The following G3BP2 variants were observed in gnomAD, a reference collection of about 807,000 sequenced individuals.
G3BP2 encodes G3BP stress granule assembly factor 2.
G3BP2 carries 11 observed loss-of-function variants against 56.7 expected under a neutral mutation model. The observed-to-expected ratio is 0.19, with a 90% confidence interval of 0.12 to 0.32. The LOEUF is 0.32. Among genes scored for constraint, G3BP2 ranks in the 10% least tolerant of loss-of-function variants. The probability of loss-of-function intolerance (pLI) is 1.00; values close to 1 mark genes in which losing one functional copy is unlikely to be tolerated. For synonymous variants in G3BP2, 165 were observed against 191.6 expected (o/e 0.86, Z 1.15); for missense variants, 340 against 610.9 (o/e 0.56, Z 4.67).
At chr4:75,663,569 T>C (rs1732738771) in intron 1 of G3BP2, among the ~76,000 whole-genome samples, 2 of 152,076 alleles carry the variant, frequency 1.3e-5, no homozygotes, top group Non-Finnish European at 2.9e-5. Flanking sequence ...ACTGTAGGAA[T>C]ATAATCCCCA....
chr4:75,668,626 T>A (rs766377458), intron 1 of G3BP2, among the ~76,000 whole-genome samples: 1 of 152,154 alleles, frequency 6.6e-6, no homozygotes, highest in Non-Finnish European at 1.5e-5. Flanking sequence ...GTAGAGTCCA[T>A]ACATCCAAAA....
intron 1 of G3BP2, among the ~76,000 whole-genome samples, chr4:75,669,888 T>C (rs758924280): frequency 6.6e-6 from 1 of 151,966 alleles, no homozygotes; most frequent in Non-Finnish European, 1.5e-5. Context: ...AGGTCAGGAG[T>C]TCGAGACCAG....
At chr4:75,723,567 C>G (rs1252397472) in intron 1 of G3BP2, among the ~76,000 whole-genome samples, 1 of 152,122 alleles carries the variant, frequency 6.6e-6, no homozygotes, top group African/African-American at 2.4e-5. Context: ...GGGTGGAAAG[C>G]CAGAGTCTAA....
chr4:75,670,516 G>C (rs933943983), intron 1 of G3BP2: 1 of 152,142 alleles, frequency 6.6e-6, no homozygotes, highest in African/African-American at 2.4e-5. Flanking sequence ...TTTGTTTTCT[G>C]TCCTTCTCAG....
chr4:75,690,063 A>C (rs1359567098), intron 3 of G3BP2, among the ~76,000 whole-genome samples: 1 of 152,180 alleles, frequency 6.6e-6, no homozygotes. Flanking sequence ...TAAATATGTT[A>C]TATTTCAGGA....
intron 8 of G3BP2, among the ~76,000 whole-genome samples, chr4:75,652,014 G>T (rs770397980): frequency 1.3e-5 from 2 of 152,120 alleles, no homozygotes; most frequent in African/African-American, 2.4e-5. Flanking sequence ...AACTAAAATT[G>T]AAGGATTATT....
At chr4:75,660,724 C>A (rs1312444105) in intron 2 of G3BP2, among the ~76,000 whole-genome samples, 1 of 152,154 alleles carries the variant, frequency 6.6e-6, no homozygotes, top group Admixed American at 6.5e-5. Context: ...GTCTTTTAAA[C>A]AGCCTTTCTC....
chr4:75,673,444 G>A (rs963371278), upstream of G3BP2: 31 of 1,231,898 alleles, frequency 2.5e-5, no homozygotes, highest in Non-Finnish European at 3.0e-5. Context: ...CCCTCTTATT[G>A]TTTTACCCCT....
chr4:75,680,873 CAGG>C (rs1254996398), intron 3 of G3BP2, among the ~76,000 whole-genome samples: 2 of 151,550 alleles, frequency 1.3e-5, no homozygotes, highest in African/African-American at 4.9e-5. Flanking sequence ...GAGGCCGAGG[CAGG>C]AGAATAGCTT....
At chr4:75,703,393 C>T (rs1226918774) in intron 3 of G3BP2, among the ~76,000 whole-genome samples, 1 of 152,194 alleles carries the variant, frequency 6.6e-6, no homozygotes, top group Non-Finnish European at 1.5e-5. Flanking sequence ...CCCCAATCCA[C>T]ACCACTTACC....
At chr4:75,650,435 A>AAAAAAG (rs1299932339) in intron 8 of G3BP2, among the ~76,000 whole-genome samples, 1 of 151,736 alleles carries the variant, frequency 6.6e-6, no homozygotes, top group East Asian at 1.9e-4. Context: ...TCAAAAAAAA[A>AAAAAAG]AAAAAAAAAA....
upstream of G3BP2, among the ~76,000 whole-genome samples, chr4:75,674,695 C>CAT (rs1316726374): frequency 3.3e-3 from 199 of 60,692 alleles, 4 homozygotes; most frequent in East Asian, 9.5e-3. Flanking sequence ...TATGTATGTA[C>CAT]ATATATATAT....
chr4:75,673,442 T>G (rs191009976), upstream of G3BP2: 384 of 1,229,380 alleles, frequency 3.1e-4, 1 homozygote, highest in African/African-American at 5.4e-3. Flanking sequence ...CCCCCTCTTA[T>G]TGTTTTACCC....
At chr4:75,678,387 C>G (rs1733957667), upstream of G3BP2, among the ~76,000 whole-genome samples, 1 of 151,800 alleles carries the variant, frequency 6.6e-6, no homozygotes, top group African/African-American at 2.4e-5. Flanking sequence ...GATTGCCTGG[C>G]CTCAGGCCAT....
chr4:75,719,777 C>T (rs113443337), intron 3 of G3BP2, among the ~76,000 whole-genome samples: 5,127 of 151,852 alleles, frequency 0.034, 99 homozygotes, highest in Non-Finnish European at 0.051. Flanking sequence ...TTAGTAGAGA[C>T]GGGATTTCTC....
chr4:75,698,072 A>T (rs1719195831), intron 3 of G3BP2, among the ~76,000 whole-genome samples: 1 of 152,238 alleles, frequency 6.6e-6, no homozygotes, highest in Admixed American at 6.5e-5. Flanking sequence ...TCCATGTTCT[A>T]ATCCACAGAC....
intron 1 of G3BP2, among the ~76,000 whole-genome samples, chr4:75,666,361 A>G (rs1733034790): frequency 6.6e-6 from 1 of 152,224 alleles, no homozygotes; most frequent in African/African-American, 2.4e-5. Flanking sequence ...GGTAAAATCT[A>G]AACAGGCATA....
chr4:75,684,460 A>G (rs1718489732), intron 3 of G3BP2, among the ~76,000 whole-genome samples: 1 of 151,920 alleles, frequency 6.6e-6, no homozygotes, highest in Non-Finnish European at 1.5e-5. Flanking sequence ...AAAAAAATAA[A>G]AAATATAACA....
chr4:75,689,090 CA>C (rs540189458), intron 3 of G3BP2, among the ~76,000 whole-genome samples: 69 of 152,154 alleles, frequency 4.5e-4, no homozygotes, highest in Middle Eastern at 3.4e-3. Flanking sequence ...AAATTATAAG[CA>C]GTTTCCAAAG....
Sources: allele counts gnomAD v4.1 joint callset (sites outside exome capture counted in the v4.1 genomes callset), GRCh38; gene constraint gnomAD v4.1.1; transcripts MANE v1.5; gene names NCBI Gene and HGNC (gene_info 2026-07-23, HGNC 2026-07-21).